Variants in EXOC6 observed in about 807,000 individuals in gnomAD.
The protein encoded by EXOC6 is exocyst complex component 6.
Under a neutral mutation model 112.5 loss-of-function variants are expected in EXOC6, and 60 were observed. The observed-to-expected ratio is 0.53, with a 90% CI of 0.43 to 0.66. The LOEUF is 0.66. Ranked by LOEUF, EXOC6 falls within the 30% of genes least tolerant of loss-of-function variation. The pLI is 0.00. For synonymous variants in EXOC6, 295 were observed against 308.0 expected, an observed-to-expected ratio of 0.96 and a Z score of 0.44; for missense variants, 855 against 957.1, an observed-to-expected ratio of 0.89 and a Z score of 1.41.
At chr10:93,029,495 C>A (rs1360411848) in intron 20 of EXOC6, among the ~76,000 whole-genome samples, 1 of 152,056 alleles carries the variant, frequency 6.6e-6, no homozygotes, top group African/African-American at 2.4e-5. Flanking sequence ...TTGTCTATGT[C>A]TGACTGATAT....
At chr10:92,883,135 T>C (rs1849046228) in intron 1 of EXOC6, among the ~76,000 whole-genome samples, 1 of 152,246 alleles carries the variant, frequency 6.6e-6, no homozygotes, top group African/African-American at 2.4e-5. Flanking sequence ...TCTGTTTAAA[T>C]AAATGTTTTC....
intron 19 of EXOC6, among the ~76,000 whole-genome samples, chr10:93,007,291 T>TAA (rs752052025): frequency 0.12 from 17,950 of 149,600 alleles, 1,304 homozygotes; most frequent in African/African-American, 0.21. Context: ...CTCAAAAATT[T>TAA]TTTTTTTTTT....
At chr10:92,862,712 ACTC>A (rs1847968761) in intron 1 of EXOC6, among the ~76,000 whole-genome samples, 1 of 151,516 alleles carries the variant, frequency 6.6e-6, no homozygotes, top group African/African-American at 2.4e-5. Context: ...AAAAAGTACT[ACTC>A]TTTTTATGGC....
At chr10:92,959,125 A>G (rs2134032219) in intron 17 of EXOC6, among the ~76,000 whole-genome samples, 1 of 152,250 alleles carries the variant, frequency 6.6e-6, no homozygotes, top group African/African-American at 2.4e-5. Flanking sequence ...GTAGTAATGA[A>G]TAAGATGTGG....
chr10:93,017,877 G>C (rs1467209119), intron 20 of EXOC6, among the ~76,000 whole-genome samples: 1 of 151,902 alleles, frequency 6.6e-6, no homozygotes, highest in Non-Finnish European at 1.5e-5. Flanking sequence ...GGGCGTGGTG[G>C]TGCACACCTG....
At chr10:92,962,529 A>G (rs1012799683) in intron 17 of EXOC6, among the ~76,000 whole-genome samples, 33 of 151,986 alleles carry the variant, frequency 2.2e-4, no homozygotes, top group Non-Finnish European at 3.7e-4. Flanking sequence ...AGCTAGGACT[A>G]CAGGCCCATG....
At chr10:92,859,711 A>G (rs1231918944) in intron 1 of EXOC6, among the ~76,000 whole-genome samples, 2 of 152,192 alleles carry the variant, frequency 1.3e-5, no homozygotes, top group Non-Finnish European at 2.9e-5. Context: ...TCTCAGAATT[A>G]GCTCACCTTG....
rs561748362 is a variant in EXOC6, at chr10:92,944,163, G to A, written c.1310+3339G>A. ...CATTCAAAGGTCGATTCCGTATTTT[G>A]GCTATTGTGAATAATTCTGCAGTGA... is the stretch of plus-strand genomic sequence containing the variant. On this transcript the variant is annotated intron_variant, in intron 13 of 21. Coordinates refer to ENST00000260762, the MANE Select transcript of EXOC6 (RefSeq NM_019053.6). 4.6e-5 allele frequency among the ~76,000 whole-genome samples: 7 copies of A among 152,000 alleles called. No individual in the cohort carries two copies. In the East Asian group the frequency reaches 1.4e-3, roughly 29 times the overall value.
chr10:92,987,401 G>A (rs752049270), intron 18 of EXOC6, among the ~76,000 whole-genome samples: 9 of 152,138 alleles, frequency 5.9e-5, no homozygotes, highest in South Asian at 4.1e-4. Context: ...TGTCTAATTA[G>A]TATGGATGTA....
intron 18 of EXOC6, among the ~76,000 whole-genome samples, chr10:92,984,341 A>G (rs1292302977): frequency 6.6e-6 from 1 of 152,000 alleles, no homozygotes; most frequent in Non-Finnish European, 1.5e-5. Context: ...TGAGTGTTCT[A>G]ATTTCCTTTC....
At chr10:92,974,434 G>GT (rs1842414620) in intron 18 of EXOC6, among the ~76,000 whole-genome samples, 1 of 150,454 alleles carries the variant, frequency 6.6e-6, no homozygotes, top group Admixed American at 6.7e-5. Flanking sequence ...CAAAATAACT[G>GT]TAACTCTCTT....
chr10:92,975,057 T>C (rs1842458856), intron 18 of EXOC6, among the ~76,000 whole-genome samples: 2 of 150,104 alleles, frequency 1.3e-5, no homozygotes, highest in African/African-American at 2.5e-5. Context: ...CCCCTCTGCC[T>C]GGCTGCCCAG....
Position 92,916,023 on chromosome 10 carries a change from G to A in EXOC6, c.819+110G>A, listed in dbSNP as rs1481936058. The A allele has an allele frequency of 9.8e-6, 8 of 813,848 alleles. No homozygotes were observed. The Admixed American group carries it at 2.4e-4, about 25-fold the overall frequency. The allele number at this position is 813,848 out of a possible 1,614,324, so 50.4% of individuals were successfully genotyped here. On this transcript the variant is annotated intron_variant, in intron 7 of 21. Transcript: ENST00000260762. Reference sequence around the variant, plus strand: ...CCTGTATGCAAAATAAATTTATGTTGTAAAAGTTGTCAGAGTCAAAATGGA... The same window carrying A: ...CCTGTATGCAAAATAAATTTATGTTATAAAAGTTGTCAGAGTCAAAATGGA...
At chr10:92,939,993 G>A (rs796817037) in intron 12 of EXOC6, among the ~76,000 whole-genome samples, 6 of 152,214 alleles carry the variant, frequency 3.9e-5, no homozygotes, top group African/African-American at 1.4e-4. Context: ...AGCTGTTTTG[G>A]TCTCTTGTTT....
intron 19 of EXOC6, among the ~76,000 whole-genome samples, chr10:93,000,474 A>G (rs1172893566): frequency 6.6e-6 from 1 of 152,180 alleles, no homozygotes; most frequent in Non-Finnish European, 1.5e-5. Context: ...TCTCTTGGAA[A>G]AGACCAAGAA....
chr10:92,979,876 AAC>A (rs1842765977), intron 18 of EXOC6, among the ~76,000 whole-genome samples: 1 of 146,592 alleles, frequency 6.8e-6, no homozygotes, highest in Non-Finnish European at 1.5e-5. Flanking sequence ...CAGCCTGGGC[AAC>A]AGAGGGAGAC....
intron 1 of EXOC6, among the ~76,000 whole-genome samples, chr10:92,870,692 T>C (rs1342812562): frequency 6.6e-6 from 1 of 152,050 alleles, no homozygotes; most frequent in Non-Finnish European, 1.5e-5. Flanking sequence ...TTTGGCATTA[T>C]ATAATTAGTG....
intron 20 of EXOC6, among the ~76,000 whole-genome samples, chr10:93,050,495 C>T (rs1846227865): frequency 6.6e-6 from 1 of 151,502 alleles, no homozygotes; most frequent in East Asian, 1.9e-4. Flanking sequence ...TGCGGTGGCT[C>T]ACGCCTGTAA....
At chr10:92,951,752 T>C (rs139296731) in intron 14 of EXOC6, among the ~76,000 whole-genome samples, 155 of 152,304 alleles carry the variant, frequency 1.0e-3, no homozygotes, top group African/African-American at 3.6e-3. Context: ...TGCATACCAG[T>C]GTTTAATGGC....
Sources: allele counts gnomAD v4.1 joint callset (sites outside exome capture counted in the v4.1 genomes callset), GRCh38; gene constraint gnomAD v4.1.1; transcripts MANE v1.5; gene names NCBI Gene and HGNC (gene_info 2026-07-23, HGNC 2026-07-21).